The following SLC24A2 variants were observed in gnomAD, a reference collection of about 807,000 sequenced individuals.
The protein encoded by SLC24A2 is sodium/potassium/calcium exchanger 2.
A neutral mutation model predicts 62.0 loss-of-function variants in SLC24A2; 36 were observed. The ratio of observed to expected loss-of-function variants is 0.58; its 90% confidence interval spans 0.44 to 0.77. SLC24A2 has a LOEUF of 0.77. SLC24A2 is among the 30% of genes least tolerant of loss of function. SLC24A2 has a pLI of 0.00. For missense variants in SLC24A2, 846 were observed against 817.9 expected, an observed-to-expected ratio of 1.03 and a Z score of -0.42; for synonymous variants, 358 against 294.0, an observed-to-expected ratio of 1.22 and a Z score of -2.23.
At chr9:19,990,922 G>GAGATATATAT in the SLC24A2 span, among the ~76,000 whole-genome samples, 5 of 120,812 alleles carry the variant, frequency 4.1e-5, no homozygotes, top group Admixed American at 2.5e-4. Context: ...GGACTAATAG[G>GAGATATATAT]ATATATATAT....
chr9:19,837,723 C>G, the SLC24A2 span, among the ~76,000 whole-genome samples: 2 of 152,032 alleles, frequency 1.3e-5, no homozygotes, highest in African/African-American at 2.4e-5. Context: ...AGCAAAGTCT[C>G]AGGATACAAA....
chr9:19,550,871 G>A (rs1308152063), intron 7 of SLC24A2, among the ~76,000 whole-genome samples: 6 of 151,840 alleles, frequency 4.0e-5, no homozygotes, highest in Admixed American at 1.3e-4. Flanking sequence ...GATATTTTAC[G>A]TATTTCTGGG....
chr9:19,732,633 T>C (rs1346458299), intron 2 of SLC24A2, among the ~76,000 whole-genome samples: 1 of 152,168 alleles, frequency 6.6e-6, no homozygotes, highest in African/African-American at 2.4e-5. Context: ...TATATAATCC[T>C]AACGTCGCAA....
the SLC24A2 span, among the ~76,000 whole-genome samples, chr9:19,814,737 T>C: frequency 4.6e-5 from 7 of 152,322 alleles, no homozygotes; most frequent in East Asian, 1.4e-3. Flanking sequence ...GATTCTCTTA[T>C]GAAAATATTG....
chr9:20,299,211 C>T, the SLC24A2 span, among the ~76,000 whole-genome samples: 1 of 152,286 alleles, frequency 6.6e-6, no homozygotes, highest in Admixed American at 6.5e-5. Context: ...GCACACAGCC[C>T]TGGGTCCCAG....
At chr9:19,800,952 G>T in the SLC24A2 span, among the ~76,000 whole-genome samples, 1 of 152,226 alleles carries the variant, frequency 6.6e-6, no homozygotes, top group East Asian at 1.9e-4. Flanking sequence ...TCAATAACCA[G>T]TGGTGAGTCT....
chr9:20,003,064 C>G, the SLC24A2 span, among the ~76,000 whole-genome samples: 4 of 152,174 alleles, frequency 2.6e-5, no homozygotes, highest in Admixed American at 6.5e-5. Flanking sequence ...TTCTGCCTGC[C>G]TATTTGGCAT....
chr9:20,244,448 C>T, the SLC24A2 span, among the ~76,000 whole-genome samples: 1 of 152,166 alleles, frequency 6.6e-6, no homozygotes, highest in Non-Finnish European at 1.5e-5. Flanking sequence ...GAGGACCCGC[C>T]CAGCCCCTAC....
the SLC24A2 span, among the ~76,000 whole-genome samples, chr9:19,856,991 G>C: frequency 1.3e-5 from 2 of 152,214 alleles, no homozygotes; most frequent in Non-Finnish European, 2.9e-5. Flanking sequence ...TAGGGTTGGG[G>C]AGTAAAATTG....
chr9:19,520,905 G>A lies in SLC24A2; in HGVS notation c.1725C>T (p.Asp575=). The A allele has an allele frequency of 6.2e-7, 1 of 1,613,930 alleles. No individual in the cohort carries two copies. Among genetic ancestry groups the A allele is most frequent in the Non-Finnish European group, 8.5e-7 (1 of 1,179,948 alleles). Residue 575 remains aspartate, a synonymous_variant, in exon 10 of 11, where the codon GAC becomes GAT. Transcript: ENST00000341998. ...CTACCTCTACTCACCCTACAGTGAT[G>A]TCAAAAATGTTGCTTCCAACAGAGC... is the stretch of plus-strand genomic sequence containing the variant. The part of the protein sequence containing the change: ...VSSSVGSNIF[D]ITVGLPLPWL...
At chr9:19,606,903 T>C (rs1034635728) in intron 4 of SLC24A2, among the ~76,000 whole-genome samples, 1 of 152,146 alleles carries the variant, frequency 6.6e-6, no homozygotes, top group East Asian at 1.9e-4. Flanking sequence ...TGACAGCCAG[T>C]TGAGGATTGA....
chr9:19,645,256 C>T (rs1818609194), intron 2 of SLC24A2, among the ~76,000 whole-genome samples: 1 of 152,090 alleles, frequency 6.6e-6, no homozygotes, highest in African/African-American at 2.4e-5. Flanking sequence ...TTTGTAAAGA[C>T]CAAGCTATCT....
chr9:20,213,095 G>A, the SLC24A2 span, among the ~76,000 whole-genome samples: 3 of 151,594 alleles, frequency 2.0e-5, no homozygotes, highest in Non-Finnish European at 4.4e-5. Flanking sequence ...TGTAGGTGAT[G>A]GGTTGATAAG....
chr9:19,983,928 C>G, the SLC24A2 span, among the ~76,000 whole-genome samples: 1 of 152,182 alleles, frequency 6.6e-6, no homozygotes, highest in Admixed American at 6.5e-5. Context: ...TAGTCCCCAA[C>G]TTACAATGGT....
intron 2 of SLC24A2, among the ~76,000 whole-genome samples, chr9:19,667,060 T>C (rs1464284535): frequency 6.6e-6 from 1 of 152,226 alleles, no homozygotes; most frequent in Non-Finnish European, 1.5e-5. Flanking sequence ...CTCATAAATC[T>C]AGATGCCATT....
At chr9:20,279,366 A>G in the SLC24A2 span, among the ~76,000 whole-genome samples, 1 of 152,162 alleles carries the variant, frequency 6.6e-6, no homozygotes. Flanking sequence ...CCCCATCTCT[A>G]CTAAAAACAC....
chr9:20,109,771 G>C, the SLC24A2 span, among the ~76,000 whole-genome samples: 1 of 152,194 alleles, frequency 6.6e-6, no homozygotes, highest in East Asian at 1.9e-4. Context: ...TGAGTCCTGA[G>C]AGTCCTCCTA....
chr9:20,140,794 T>C, the SLC24A2 span, among the ~76,000 whole-genome samples: 2 of 152,326 alleles, frequency 1.3e-5, no homozygotes, highest in Non-Finnish European at 2.9e-5. Context: ...TTATGATTAT[T>C]GTATTTATAC....
At chr9:19,969,306 C>T in the SLC24A2 span, among the ~76,000 whole-genome samples, 4 of 151,862 alleles carry the variant, frequency 2.6e-5, no homozygotes, top group Non-Finnish European at 4.4e-5. Context: ...ACTCCCTCCC[C>T]CAAAACCTAA....
Sources: gnomAD v4.1 joint callset for allele counts (sites outside exome capture counted in the v4.1 genomes callset) on GRCh38, gnomAD v4.1.1 for gene constraint, MANE v1.5 for transcripts, NCBI Gene and HGNC (gene_info 2026-07-23, HGNC 2026-07-21) for gene names.